The following MCF2L2 variants were observed in gnomAD, a reference collection of about 807,000 sequenced individuals.
MCF2L2 encodes the protein MCF.2 cell line derived transforming sequence-like 2, also known as probable guanine nucleotide exchange factor MCF2L2.
MCF2L2 carries 102 observed loss-of-function variants against 150.2 expected under a neutral mutation model. The ratio of observed to expected loss-of-function variants is 0.68; its 90% CI spans 0.58 to 0.80. The LOEUF (loss-of-function observed/expected upper bound fraction) is 0.80. Ranked by LOEUF, MCF2L2 falls within the 30% of genes least tolerant of loss-of-function variation. MCF2L2 has a pLI of 0.00. For missense variants in MCF2L2, 1,256 were observed against 1,372.8 expected (o/e 0.91, Z 1.34); for synonymous variants, 465 against 491.3 (o/e 0.95, Z 0.71).
rs1394944541 is a variant in MCF2L2, at chr3:183,181,488, A to T, written c.3017-1329T>A. 1.3e-5 allele frequency among the ~76,000 whole-genome samples: 2 copies of T among 152,004 alleles called. No individual in the cohort carries two copies. The highest frequency in any genetic ancestry group is 3.9e-4 in the East Asian group (2 of 5,178). ...GCAAGGGGTGGAGGGCAGAGGAGAA[A>T]CTGCCTCAGGGATGTGCCCCCTGCC... On this transcript the variant is annotated intron_variant, in intron 27 of 29. Coordinates refer to ENST00000328913, the MANE Select transcript of MCF2L2 (RefSeq NM_015078.4). The surrounding 1 kb of genome is among the most constrained non-coding windows in gnomAD (Gnocchi z 4.3).
intron 25 of MCF2L2, among the ~76,000 whole-genome samples, chr3:183,198,745 A>G (rs1722157223): frequency 6.6e-6 from 1 of 152,122 alleles, no homozygotes; most frequent in Non-Finnish European, 1.5e-5. Flanking sequence ...CCCTTCAAAT[A>G]ATTTGAATGC....
At chr3:183,349,361 A>G (rs972161380) in intron 3 of MCF2L2, among the ~76,000 whole-genome samples, 2 of 152,200 alleles carry the variant, frequency 1.3e-5, no homozygotes, top group African/African-American at 2.4e-5. Flanking sequence ...ACTTTTATCT[A>G]TATCACATGA....
In MCF2L2 at chr3:183,259,097, G is replaced by A. The variant is rs553964320; in HGVS notation, c.1862+17775C>T. ...GGATGCGGAACCCATGAACGTACAC[G>A]ACCAACTGCATATGGGTTTCTAATA... On this transcript the variant is annotated intron_variant, in intron 15 of 29. Coordinates refer to ENST00000328913, the MANE Select transcript of MCF2L2 (RefSeq NM_015078.4). Among the ~76,000 whole-genome samples the A allele has an allele frequency of 5.3e-5, 8 of 152,186 alleles. No individual in the cohort carries two copies. The South Asian group carries it at 6.2e-4, about 12-fold the overall frequency.
intron 15 of MCF2L2, among the ~76,000 whole-genome samples, chr3:183,268,372 G>A (rs547446031): frequency 1.3e-4 from 20 of 152,292 alleles, no homozygotes; most frequent in Non-Finnish European, 2.5e-4. Flanking sequence ...AGGTCACGCT[G>A]ACTGTAAAGT....
chr3:183,343,809 G>A (rs1259773936), intron 3 of MCF2L2, among the ~76,000 whole-genome samples: 1 of 152,138 alleles, frequency 6.6e-6, no homozygotes, highest in Non-Finnish European at 1.5e-5. Context: ...AAATAACACA[G>A]TATTATTATA....
chr3:183,417,862 G>A (rs1715682085), intron 1 of MCF2L2, among the ~76,000 whole-genome samples: 1 of 152,144 alleles, frequency 6.6e-6, no homozygotes, highest in Non-Finnish European at 1.5e-5. Flanking sequence ...TTTACAGGGT[G>A]GCAAGGGAGA....
chr3:183,216,042 G>C lies in MCF2L2; in HGVS notation c.2423C>G (p.Ala808Gly), dbSNP rs1231932830. Residue 808 changes from alanine (A) to glycine (G), a missense_variant, in exon 22 of 30, where the codon GCT (alanine) becomes GGT (glycine). Coordinates refer to ENST00000328913, the MANE Select transcript of MCF2L2 (RefSeq NM_015078.4). The part of the protein sequence containing the change: ...DSAFSTELQQ[A>G]LAVIEDLIKS... Reference sequence around the variant, plus strand: ...GATCAAATCCTCTATCACTGCCAAAGCTTGTTGTAGTTCAGTTGAGAATGC... The same window carrying C: ...GATCAAATCCTCTATCACTGCCAAACCTTGTTGTAGTTCAGTTGAGAATGC... 6.2e-7 allele frequency: 1 copy of C among 1,614,046 alleles called. No individual in the cohort carries two copies. Among genetic ancestry groups the C allele is most frequent in the Non-Finnish European group, 8.5e-7 (1 of 1,179,948 alleles).
chr3:183,383,979 T>C (rs775144674), intron 2 of MCF2L2, among the ~76,000 whole-genome samples: 27 of 152,330 alleles, frequency 1.8e-4, no homozygotes, highest in Non-Finnish European at 3.1e-4. Context: ...CCATGTTCTC[T>C]TAGCCTGTCT....
At position 183,270,281 on chromosome 3, in the gene MCF2L2, T is replaced by A. The variant is rs1035756136; in HGVS notation, c.1862+6591A>T. ...ACAATGATATAATTCAGCAAGACTT[T>A]GTTGATTCTTTCTACAATCTTACTC... On this transcript the variant is annotated intron_variant, in intron 15 of 29. Coordinates refer to ENST00000328913, the MANE Select transcript of MCF2L2 (RefSeq NM_015078.4). The surrounding 1 kb of genome is among the most constrained non-coding windows in gnomAD (Gnocchi z 4.5). The A allele has an allele frequency of 1.5e-5, 24 of 1,614,076 alleles. No individual in the cohort carries two copies. Among genetic ancestry groups the A allele is most frequent in the Non-Finnish European group, 2.0e-5 (24 of 1,180,048 alleles).
At chr3:183,393,954 T>C (rs752971745) in intron 1 of MCF2L2, among the ~76,000 whole-genome samples, 1 of 152,206 alleles carries the variant, frequency 6.6e-6, no homozygotes, top group Non-Finnish European at 1.5e-5. Context: ...CTCCCACTCT[T>C]GCTCTTCTGA....
intron 1 of MCF2L2, among the ~76,000 whole-genome samples, chr3:183,392,008 C>T (rs1414318683): frequency 6.6e-6 from 1 of 152,124 alleles, no homozygotes; most frequent in Non-Finnish European, 1.5e-5. Flanking sequence ...CTGCCTTGGG[C>T]TCCCAAAGTG....
rs567933632 is a variant in MCF2L2 at position 183,280,805 on chromosome 3, G to A, written c.1777-3848C>T. 3.9e-3 allele frequency among the ~76,000 whole-genome samples: 570 copies of A among 146,532 alleles called. 4 individuals are homozygous for A. The highest frequency in any genetic ancestry group is 0.014 in the African/African-American group (531 of 39,328). On this transcript the variant is annotated intron_variant, in intron 14 of 29. Coordinates refer to ENST00000328913, the MANE Select transcript of MCF2L2 (RefSeq NM_015078.4). ...GGAGGTTGCAATGAGCTGAGATCAC[G>A]CCACTGCACTCCAGCCTGGGCAACA... is the stretch of plus-strand genomic sequence containing the variant.
At position 183,252,197 on chromosome 3, in the gene MCF2L2, G is replaced by A. The variant is rs144264377; in HGVS notation, c.1863-21180C>T. On this transcript the variant is annotated intron_variant, in intron 15 of 29. Coordinates refer to ENST00000328913, the MANE Select transcript of MCF2L2 (RefSeq NM_015078.4). Reference sequence around the variant, plus strand: ...TTGCACAGATATACAACATACACATGTGATGGCTGGGGGAAATGCATGTGG... The same window carrying A: ...TTGCACAGATATACAACATACACATATGATGGCTGGGGGAAATGCATGTGG... Among the ~76,000 whole-genome samples, 555 of 152,064 alleles carry A rather than the reference G, an allele frequency of 3.6e-3. 3 individuals carry two copies. Among genetic ancestry groups the A allele is most frequent in the Middle Eastern group, 0.014 (4 of 294 alleles).
At chr3:183,321,624 C>T (rs1486211180) in intron 6 of MCF2L2, among the ~76,000 whole-genome samples, 1 of 151,616 alleles carries the variant, frequency 6.6e-6, no homozygotes, top group Non-Finnish European at 1.5e-5. Context: ...AAAAAAATTG[C>T]AATATCTGTG....
rs1032645109 is a variant in MCF2L2 at position 183,389,642 on chromosome 3, C to T, written c.160+54G>A. 3 of 1,445,774 alleles carry T rather than the reference C, an allele frequency of 2.1e-6. No homozygotes were observed. The African/African-American group carries it at 4.2e-5, about 20-fold the overall frequency. The allele number at this position is 1,445,774 out of a possible 1,614,324, so 89.6% of individuals were successfully genotyped here. On this transcript the variant is annotated intron_variant, in intron 2 of 29. Coordinates refer to ENST00000328913, the MANE Select transcript of MCF2L2 (RefSeq NM_015078.4). The stretch of plus-strand genomic sequence containing the variant: ...CTCAAGGTTCAAGAGGCTGGACCTT[C>T]CCATCAAGACCCCCCCATCAAAATC...
At chr3:183,212,941 G>A (rs1288429158) in intron 22 of MCF2L2, among the ~76,000 whole-genome samples, 16 of 125,612 alleles carry the variant, frequency 1.3e-4, no homozygotes, top group Admixed American at 1.8e-4. Flanking sequence ...CTGTAATATA[G>A]GTATTGTGGG....
At chr3:183,398,580 G>C (rs1270589084) in intron 1 of MCF2L2, among the ~76,000 whole-genome samples, 1 of 151,808 alleles carries the variant, frequency 6.6e-6, no homozygotes, top group Non-Finnish European at 1.5e-5. Flanking sequence ...AAAGAAAAAA[G>C]GGAGGAGGGA....
At chr3:183,392,699 G>A (rs1399323393) in intron 1 of MCF2L2, among the ~76,000 whole-genome samples, 2 of 152,146 alleles carry the variant, frequency 1.3e-5, no homozygotes, top group Non-Finnish European at 2.9e-5. Flanking sequence ...ACTCGGCATG[G>A]AGATGACTGC....
In MCF2L2 at chr3:183,300,018, C is replaced by A; in HGVS notation, c.1292G>T (p.Arg431Ile). The part of the protein sequence containing the change: ...DILGKSLEFH[R>I]QLDKVSQWCE... ...TGTTTTGCTCACCTTGTCCAGCTGT[C>A]TATGAAACTCTAAGGACTTTCCTAA... Residue 431 changes from arginine to isoleucine, a missense_variant, in exon 11 of 30, where the codon AGA becomes ATA. Arg to Ile is a moderately conservative substitution (Grantham distance 97). Coordinates refer to ENST00000328913, the MANE Select transcript of MCF2L2 (RefSeq NM_015078.4). 6.2e-7 allele frequency: 1 copy of A among 1,613,196 alleles called. No individual in the cohort carries two copies. Among genetic ancestry groups the A allele is most frequent in the Non-Finnish European group, 8.5e-7 (1 of 1,179,778 alleles).
Sources: gnomAD v4.1 joint callset for allele counts (sites outside exome capture counted in the v4.1 genomes callset) on GRCh38, gnomAD v4.1.1 for gene constraint, Gnocchi (gnomAD v3.1) non-coding constraint, MANE v1.5 for transcripts, NCBI Gene and HGNC (gene_info 2026-07-23, HGNC 2026-07-21) for gene names.